Variants in EXT1 observed in about 807,000 individuals in gnomAD.
EXT1 encodes the protein exostosin-1.
Under a neutral mutation model 82.5 loss-of-function variants are expected in EXT1, and 20 were observed. The ratio of observed to expected loss-of-function variants is 0.24; its 90% CI spans 0.17 to 0.35. The LOEUF (loss-of-function observed/expected upper bound fraction) is 0.35, where lower values mean the gene tolerates loss of function less well. EXT1 is among the 10% of genes least tolerant of loss of function. The probability of loss-of-function intolerance (pLI) is 1.00; values close to 1 mark genes in which losing one functional copy is unlikely to be tolerated. For missense variants in EXT1, 757 were observed against 936.5 expected (o/e 0.81, Z 2.50); for synonymous variants, 348 against 350.8 (o/e 0.99, Z 0.09).
chr8:117,951,523 G>C (rs1377604943), intron 1 of EXT1, among the ~76,000 whole-genome samples: 4 of 152,186 alleles, frequency 2.6e-5, no homozygotes, highest in Non-Finnish European at 5.9e-5. Context: ...GGAAGAATGA[G>C]TCATGGCTCT....
intron 1 of EXT1, among the ~76,000 whole-genome samples, chr8:117,865,842 G>C (rs1268693280): frequency 6.6e-6 from 1 of 152,158 alleles, no homozygotes; most frequent in Non-Finnish European, 1.5e-5. Flanking sequence ...AAGGGAGAAG[G>C]GGGTGAGCAA....
At chr8:117,831,113 G>A (rs1450418758) in intron 3 of EXT1, among the ~76,000 whole-genome samples, 2 of 152,086 alleles carry the variant, frequency 1.3e-5, no homozygotes, top group Non-Finnish European at 2.9e-5. Flanking sequence ...GCCACCACAG[G>A]GACGTCATTA....
chr8:117,810,770 TGCCCTCAGATAATG>T (rs1399908974), intron 8 of EXT1, among the ~76,000 whole-genome samples: 6 of 152,190 alleles, frequency 3.9e-5, no homozygotes, highest in Non-Finnish European at 8.8e-5. Context: ...TCCTGCCCTG[TGCCCTCAGATAATG>T]GACCCCTATG....
Position 117,812,375 on chromosome 8 carries a change from G to A in EXT1, c.1722+497C>T, listed in dbSNP as rs187799897. Among the ~76,000 whole-genome samples, 331 of 152,218 alleles carry A rather than the reference G, an allele frequency of 2.2e-3. 1 individual carries two copies. The highest frequency in any genetic ancestry group is 2.5e-3 in the Non-Finnish European group (169 of 68,016). ...TCCATCACAACCTTGAAGTGAAACC[G>A]TTTGCTCTTGTATAGGTGAAAGAAA... On this transcript the variant is annotated intron_variant, in intron 8 of 10. Coordinates refer to ENST00000378204, the MANE Select transcript of EXT1 (RefSeq NM_000127.3).
chr8:118,105,263 C>T (rs1424217221), intron 1 of EXT1, among the ~76,000 whole-genome samples: 2 of 152,204 alleles, frequency 1.3e-5, no homozygotes, highest in African/African-American at 4.8e-5. Context: ...ACTAACACCA[C>T]CTGCAGGTGT....
At chr8:117,933,523 G>C (rs575947238) in intron 1 of EXT1, among the ~76,000 whole-genome samples, 241 of 152,172 alleles carry the variant, frequency 1.6e-3, no homozygotes, top group Middle Eastern at 6.8e-3. Context: ...TGGGATTACA[G>C]GCACTCTCAG....
At chr8:117,847,901 A>G (rs1006959912) in intron 1 of EXT1, among the ~76,000 whole-genome samples, 2 of 152,192 alleles carry the variant, frequency 1.3e-5, no homozygotes, top group African/African-American at 2.4e-5. Flanking sequence ...TGAGAATCCA[A>G]TGACAGTTTG....
intron 1 of EXT1, among the ~76,000 whole-genome samples, chr8:117,944,021 C>T (rs1360687224): frequency 2.0e-5 from 3 of 152,146 alleles, no homozygotes; most frequent in Non-Finnish European, 4.4e-5. Flanking sequence ...CTCTCATTTC[C>T]GTATGAAAGA....
At chr8:118,019,739 C>T (rs1816067657) in intron 1 of EXT1, among the ~76,000 whole-genome samples, 1 of 152,198 alleles carries the variant, frequency 6.6e-6, no homozygotes, top group South Asian at 2.1e-4. Context: ...TTGTCAACAT[C>T]CCCTTTTTAT....
At chr8:118,042,870 T>C (rs1188257110) in intron 1 of EXT1, among the ~76,000 whole-genome samples, 1 of 152,196 alleles carries the variant, frequency 6.6e-6, no homozygotes, top group Non-Finnish European at 1.5e-5. Flanking sequence ...GTTCATTCTG[T>C]CATTAGATTA....
chr8:118,059,824 C>T (rs528808098), intron 1 of EXT1, among the ~76,000 whole-genome samples: 1 of 152,356 alleles, frequency 6.6e-6, no homozygotes, highest in South Asian at 2.1e-4. Context: ...CTTTGACTGA[C>T]AGCTGGTTGA....
intron 4 of EXT1, among the ~76,000 whole-genome samples, chr8:117,825,609 C>T (rs1257086854): frequency 6.6e-6 from 1 of 152,128 alleles, no homozygotes; most frequent in Non-Finnish European, 1.5e-5. Flanking sequence ...TTTTATGTAT[C>T]CTCTGTTTTC....
chr8:117,971,474 A>G (rs1424718963), intron 1 of EXT1, among the ~76,000 whole-genome samples: 3 of 152,222 alleles, frequency 2.0e-5, no homozygotes, highest in Admixed American at 6.5e-5. Flanking sequence ...AGAAACTTAC[A>G]GGAAGAAAAA....
chr8:118,021,191 CTG>C (rs1300881752), intron 1 of EXT1, among the ~76,000 whole-genome samples: 1 of 152,188 alleles, frequency 6.6e-6, no homozygotes, highest in East Asian at 1.9e-4. Flanking sequence ...GACTGCCTAA[CTG>C]TGCACTTTGA....
chr8:117,827,874 G>A (rs953060831), intron 4 of EXT1, among the ~76,000 whole-genome samples: 1 of 148,406 alleles, frequency 6.7e-6, no homozygotes, highest in Non-Finnish European at 1.5e-5. Context: ...TTATCCTAAG[G>A]AAGTAATATT....
chr8:117,885,511 AAG>A (rs1459366154), intron 1 of EXT1, among the ~76,000 whole-genome samples: 203 of 148,704 alleles, frequency 1.4e-3, no homozygotes, highest in Non-Finnish European at 2.3e-3. Flanking sequence ...AAAAAAAAAA[AAG>A]AAAGAAAGAA....
chr8:117,997,822 T>C (rs1435005357), intron 1 of EXT1, among the ~76,000 whole-genome samples: 1 of 152,124 alleles, frequency 6.6e-6, no homozygotes, highest in East Asian at 1.9e-4. Flanking sequence ...TGTCTTTCAT[T>C]GGGGCTCACC....
chr8:118,070,679 A>G (rs1817074161), intron 1 of EXT1, among the ~76,000 whole-genome samples: 2 of 152,320 alleles, frequency 1.3e-5, no homozygotes, highest in South Asian at 2.1e-4. Flanking sequence ...ATTAATGGGA[A>G]TTGTATTTTA....
intron 1 of EXT1, among the ~76,000 whole-genome samples, chr8:117,880,886 C>T (rs1321865450): frequency 2.0e-5 from 3 of 151,974 alleles, no homozygotes; most frequent in African/African-American, 4.8e-5. Flanking sequence ...CCACCGTGCC[C>T]GGCCTGTTTT....
Sources: gnomAD v4.1 joint callset for allele counts (sites outside exome capture counted in the v4.1 genomes callset) on GRCh38, gnomAD v4.1.1 for gene constraint, MANE v1.5 for transcripts, NCBI Gene and HGNC (gene_info 2026-07-23, HGNC 2026-07-21) for gene names.